APP: variants seen among roughly 807,000 people sequenced by gnomAD.
APP encodes the protein amyloid beta precursor protein, also known as amyloid-beta precursor protein.
APP carries 31 observed loss-of-function variants against 101.4 expected under a neutral mutation model. That is an observed-to-expected ratio of 0.31 (90% CI 0.23 to 0.41). APP has a LOEUF of 0.41. APP is among the 10% of genes least tolerant of loss of function. The probability of loss-of-function intolerance (pLI) is 1.00; values close to 1 mark genes in which losing one functional copy is unlikely to be tolerated. For synonymous variants in APP, 366 were observed against 364.4 expected, an observed-to-expected ratio of 1.00 and a Z score of -0.05; for missense variants, 839 against 1,003.7, an observed-to-expected ratio of 0.84 and a Z score of 2.22.
At chr21:26,016,694 C>T (rs1284146903) in intron 6 of APP, among the ~76,000 whole-genome samples, 2 of 152,184 alleles carry the variant, frequency 1.3e-5, no homozygotes, top group African/African-American at 4.8e-5. Context: ...GCCTCAGCCT[C>T]CTGTGTAGCT....
chr21:26,146,038 A>G (rs957098174), intron 1 of APP, among the ~76,000 whole-genome samples: 2 of 152,238 alleles, frequency 1.3e-5, no homozygotes, highest in African/African-American at 4.8e-5. Context: ...GGATATGTAC[A>G]TAAAATTCTA....
intron 11 of APP, among the ~76,000 whole-genome samples, chr21:25,972,360 AATAAAG>A (rs1361466211): frequency 3.3e-5 from 5 of 152,338 alleles, no homozygotes; most frequent in African/African-American, 9.6e-5. Flanking sequence ...TTTTTAGAGA[AATAAAG>A]ATAAAGATAT....
chr21:26,133,397 T>C (rs898114628), intron 1 of APP, among the ~76,000 whole-genome samples: 1 of 152,240 alleles, frequency 6.6e-6, no homozygotes, highest in Non-Finnish European at 1.5e-5. Context: ...ATTTTGAATG[T>C]CTGAATTATT....
At chr21:25,973,122 CAAA>C (rs765063741) in intron 11 of APP, among the ~76,000 whole-genome samples, 15 of 148,030 alleles carry the variant, frequency 1.0e-4, no homozygotes, top group Non-Finnish European at 1.9e-4. Flanking sequence ...TACAAACCAA[CAAA>C]AGAGATAAAA....
chr21:25,884,139 G>A (rs1187213007), intron 17 of APP, among the ~76,000 whole-genome samples: 2 of 152,160 alleles, frequency 1.3e-5, no homozygotes, highest in Non-Finnish European at 2.9e-5. Context: ...GCCTCCTAAA[G>A]TAGCACTAGG....
chr21:26,010,557 C>T (rs1208710961), intron 6 of APP, among the ~76,000 whole-genome samples: 1 of 151,962 alleles, frequency 6.6e-6, no homozygotes, highest in African/African-American at 2.4e-5. Flanking sequence ...TGCCTGTAAA[C>T]CCAGCACTTT....
At chr21:26,072,504 CA>C (rs1464333532) in intron 3 of APP, among the ~76,000 whole-genome samples, 2 of 152,152 alleles carry the variant, frequency 1.3e-5, no homozygotes, top group Non-Finnish European at 2.9e-5. Flanking sequence ...TTTTCAACGT[CA>C]AACTTTGAGA....
At chr21:26,076,923 C>T (rs1322321466) in intron 3 of APP, among the ~76,000 whole-genome samples, 2 of 151,896 alleles carry the variant, frequency 1.3e-5, no homozygotes, top group Non-Finnish European at 2.9e-5. Context: ...ATTAGCCGGG[C>T]GTGGTTGTGG....
chr21:25,894,905 A>T (rs989953506), intron 16 of APP, among the ~76,000 whole-genome samples: 6 of 152,226 alleles, frequency 3.9e-5, no homozygotes, highest in African/African-American at 1.4e-4. Flanking sequence ...CAATCGATGC[A>T]GCAAACTTCA....
At chr21:26,006,596 G>C (rs2043540940) in intron 6 of APP, among the ~76,000 whole-genome samples, 1 of 152,146 alleles carries the variant, frequency 6.6e-6, no homozygotes, top group Non-Finnish European at 1.5e-5. Context: ...GCAATTCATT[G>C]TTCAAAAAAT....
intron 1 of APP, among the ~76,000 whole-genome samples, chr21:26,159,603 C>T (rs959624270): frequency 9.9e-5 from 15 of 152,178 alleles, no homozygotes; most frequent in African/African-American, 3.4e-4. Context: ...AATGAGCAAA[C>T]GAGCAATGAA....
intron 15 of APP, among the ~76,000 whole-genome samples, chr21:25,899,399 T>A (rs1177090774): frequency 6.6e-6 from 1 of 152,186 alleles, no homozygotes; most frequent in South Asian, 2.1e-4. Context: ...TGACTTGCTC[T>A]AGTGAACAGA....
At chr21:26,121,070 T>G (rs1207647229) in intron 1 of APP, among the ~76,000 whole-genome samples, 1 of 151,958 alleles carries the variant, frequency 6.6e-6, no homozygotes, top group Non-Finnish European at 1.5e-5. Context: ...GCATGTTGGG[T>G]CAAGCAGACT....
intron 1 of APP, among the ~76,000 whole-genome samples, chr21:26,144,485 T>C (rs1238723823): frequency 6.6e-6 from 1 of 152,204 alleles, no homozygotes; most frequent in East Asian, 1.9e-4. Flanking sequence ...TCTTAAGCAA[T>C]GTGGATTTTA....
intron 8 of APP, among the ~76,000 whole-genome samples, chr21:25,992,862 T>G (rs575921261): frequency 6.6e-6 from 1 of 152,322 alleles, no homozygotes; most frequent in East Asian, 1.9e-4. Context: ...GCAGTTTTAG[T>G]TCCAATGGTA....
intron 6 of APP, among the ~76,000 whole-genome samples, chr21:26,015,341 T>C (rs2044004438): frequency 6.6e-6 from 1 of 152,234 alleles, no homozygotes; most frequent in Admixed American, 6.5e-5. Flanking sequence ...AAGTGTTTCC[T>C]ATAAATTAAT....
intron 13 of APP, among the ~76,000 whole-genome samples, chr21:25,948,430 A>T (rs2040925782): frequency 6.6e-6 from 1 of 152,200 alleles, no homozygotes; most frequent in African/African-American, 2.4e-5. Flanking sequence ...TGTAATAAAA[A>T]ATAAGCATCC....
At chr21:26,135,623 G>T (rs1312038130) in intron 1 of APP, among the ~76,000 whole-genome samples, 1 of 152,080 alleles carries the variant, frequency 6.6e-6, no homozygotes, top group Non-Finnish European at 1.5e-5. Flanking sequence ...TCATTCCTAA[G>T]CAAGTACATC....
intron 4 of APP, 134 bp downstream of exon 4, chr21:26,053,102 G>A (rs770277727): frequency 7.8e-6 from 6 of 766,418 alleles, no homozygotes; most frequent in African/African-American, 3.5e-5. Context: ...TCTGGGTTAC[G>A]GATAGTAGCA....
Sources: allele counts gnomAD v4.1 joint callset (sites outside exome capture counted in the v4.1 genomes callset), GRCh38; gene constraint gnomAD v4.1.1; transcripts MANE v1.5; gene names NCBI Gene and HGNC (gene_info 2026-07-23, HGNC 2026-07-21).